The following NF1 variants were observed in gnomAD, a reference collection of about 807,000 sequenced individuals.
NF1 encodes neurofibromin.
Under a neutral mutation model 325.7 loss-of-function variants are expected in NF1, and 122 were observed. That is an observed-to-expected ratio of 0.37 (90% CI 0.32 to 0.44). The LOEUF (loss-of-function observed/expected upper bound fraction) is 0.44. NF1 is among the 20% of genes least tolerant of loss of function. NF1 has a pLI of 1.00. For synonymous variants in NF1, 1,091 were observed against 1,186.0 expected (o/e 0.92, Z 1.65); for missense variants, 2,140 against 3,415.4 (o/e 0.63, Z 9.31).
intron 8 of NF1, chr17:31,183,369 C>T (rs2066173556): frequency 6.6e-6 from 1 of 152,198 alleles, no homozygotes; most frequent in Non-Finnish European, 1.5e-5. Context: ...CATGGTTTGC[C>T]TGTAGATGGA....
chr17:31,358,182 T>G lies in NF1; in HGVS notation c.7971-298T>G, dbSNP rs1597867697. The G allele has an allele frequency of 6.8e-6, 3 of 439,558 alleles. No homozygotes were observed. In the East Asian group the frequency reaches 1.4e-4, roughly 21 times the overall value. The allele number at this position is 439,558 out of a possible 1,614,324, so 27.2% of individuals were successfully genotyped here. ...TGCTAAGTAGCAGACAGAGCCAACC[T>G]TGTCTTAAGCAAACATTTACCGTAT... On this transcript the variant is annotated intron_variant, in intron 54 of 57. Transcript: ENST00000358273.
chr17:31,099,558 CTTT>C (rs34905795), intron 1 of NF1, among the ~76,000 whole-genome samples: 29 of 123,896 alleles, frequency 2.3e-4, no homozygotes, highest in Non-Finnish European at 3.4e-4. Flanking sequence ...AGGTGTGTAG[CTTT>C]TTTTTTTTTT....
intron 1 of NF1, among the ~76,000 whole-genome samples, chr17:31,130,672 C>CA (rs1456902196): frequency 1.3e-5 from 2 of 152,138 alleles, no homozygotes; most frequent in African/African-American, 2.4e-5. Flanking sequence ...GGCTCTGTAC[C>CA]TGCCAGTGCT....
chr17:31,376,528 T>C lies in NF1; in HGVS notation c.*2373T>C, dbSNP rs1207870373. On this transcript the variant is annotated 3_prime_UTR_variant, in exon 58 of 58. Coordinates refer to ENST00000358273, the MANE Select transcript of NF1 (RefSeq NM_001042492.3). Reference sequence around the variant, plus strand: ...CCTTGTTTAAAGAACTTCTGACTTTTGAGGAAAATCTAGCTTTCCAAGTAA... The same window carrying C: ...CCTTGTTTAAAGAACTTCTGACTTTCGAGGAAAATCTAGCTTTCCAAGTAA... The C allele has an allele frequency of 4.3e-6, 1 of 232,702 alleles. No homozygotes were observed. The highest frequency in any genetic ancestry group is 8.5e-6 in the Non-Finnish European group (1 of 117,766). The allele number at this position is 232,702 out of a possible 1,614,324, so 14.4% of individuals were successfully genotyped here. A position where few individuals can be genotyped will look rare whatever the true frequency, so the allele number is the denominator to read the frequency against.
In NF1 at chr17:31,277,868, G is replaced by A. The variant is rs78453206; in HGVS notation, c.4835+12529G>A. On this transcript the variant is annotated intron_variant, in intron 36 of 57. Transcript: ENST00000358273. ...TCTCTTAAGAGTTTCCTTAAAACCT[G>A]CCTTCTCCTTTATACATAATCTCTA... Among the ~76,000 whole-genome samples, 1,067 of 152,254 alleles carry A rather than the reference G, an allele frequency of 7.0e-3. 11 individuals carry two copies. Among genetic ancestry groups the A allele is most frequent in the Middle Eastern group, 0.024 (7 of 294 alleles).
At chr17:31,334,535 A>G (rs559685634) in intron 39 of NF1, 3 of 352,030 alleles carry the variant, frequency 8.5e-6, no homozygotes, top group East Asian at 6.3e-5. Context: ...CAAACTTTCT[A>G]TGATTACCAC....
chr17:31,154,732 C>CTTTTTTTTTTTTTTTT (rs71142026), intron 1 of NF1, among the ~76,000 whole-genome samples: 1 of 103,404 alleles, frequency 9.7e-6, no homozygotes, highest in Non-Finnish European at 1.9e-5. Context: ...TTAGTATTTC[C>CTTTTTTTTTTTTTTTT]TTTTTTTTTT....
At chr17:31,340,043 G>A (rs2069776137) in intron 46 of NF1, among the ~76,000 whole-genome samples, 2 of 152,180 alleles carry the variant, frequency 1.3e-5, no homozygotes, top group South Asian at 2.1e-4. Flanking sequence ...GTTTGGAAAT[G>A]TACAGTTTTT....
At chr17:31,283,067 T>G (rs1224953279) in intron 36 of NF1, among the ~76,000 whole-genome samples, 4 of 152,202 alleles carry the variant, frequency 2.6e-5, no homozygotes, top group African/African-American at 7.2e-5. Flanking sequence ...GGGTCTTAGA[T>G]GTCTTTATCT....
intron 36 of NF1, chr17:31,307,854 G>T (rs772804360): frequency 1.6e-6 from 2 of 1,276,426 alleles, no homozygotes; most frequent in African/African-American, 3.0e-5. Flanking sequence ...TTGATGTTCT[G>T]TTGGAAGGTG....
intron 1 of NF1, among the ~76,000 whole-genome samples, chr17:31,142,290 A>G (rs901429298): frequency 3.3e-5 from 5 of 152,226 alleles, no homozygotes; most frequent in African/African-American, 1.2e-4. Context: ...GATTTCTATA[A>G]TATAGCAAGA....
At chr17:31,352,895 T>C (rs111521900) in intron 51 of NF1, among the ~76,000 whole-genome samples, 12 of 152,162 alleles carry the variant, frequency 7.9e-5, no homozygotes, top group African/African-American at 2.6e-4. Context: ...CGAAAGAAAA[T>C]AGGATTCTTT....
Position 31,374,018 on chromosome 17 carries a change from G to A in NF1, c.8383G>A (p.Asp2795Asn), listed in dbSNP as rs1475978079. 4 of 1,613,980 alleles carry A rather than the reference G, an allele frequency of 2.5e-6. No homozygotes were observed. Among genetic ancestry groups the A allele is most frequent in the East Asian group, 2.2e-5 (1 of 44,880 alleles). ...GCTGTTCTCTTTTTCTCCAGGAATC[G>A]ACAAGGAGAACGTTGAACTCTCCCC... ...LATSQHSPGI[D>N]KENVELSPTT... Residue 2795 changes from aspartate to asparagine, a missense_variant, in exon 58 of 58, where the codon GAC becomes AAC. Transcript: ENST00000358273.
intron 36 of NF1, chr17:31,295,358 G>A: frequency 6.2e-7 from 1 of 1,614,148 alleles, no homozygotes; most frequent in Non-Finnish European, 8.5e-7. Flanking sequence ...ATCAGTGCTA[G>A]TAAAGGTGGT....
At position 31,336,907 on chromosome 17, in the gene NF1, T is replaced by C. The variant is rs762803346; in HGVS notation, c.6420T>C (p.His2140=). The change falls in exon 42 of 58, where the codon CAT becomes CAC. Residue 2140 remains histidine, a synonymous_variant. Transcript: ENST00000358273. This position sits in a 1 kb window ranked among gnomAD's most constrained non-coding sequence, Gnocchi z 5.5. ...CTCTGTGTACTTGTTCACAGCTTCATTTTAGTGGTAAGTTCTAGGAAAGGA... is the reference window on the plus strand; with the variant it reads ...CTCTGTGTACTTGTTCACAGCTTCACTTTAGTGGTAAGTTCTAGGAAAGGA... ...IHSLCTCSQL[H]FSEETKQVLR... The C allele has an allele frequency of 3.1e-6, 5 of 1,609,934 alleles. No individual in the cohort carries two copies. In the South Asian group the frequency reaches 3.3e-5, roughly 11 times the overall value.
At chr17:31,362,330 A>G (rs896650162) in intron 57 of NF1, 16 of 985,424 alleles carry the variant, frequency 1.6e-5, no homozygotes, top group Non-Finnish European at 1.9e-5. Context: ...CCGCTGATAA[A>G]CCTTTTAGCA....
chr17:31,327,449 TAA>T, intron 37 of NF1, 48 bp from the exon 38 acceptor site: 2 of 1,444,236 alleles, frequency 1.4e-6, no homozygotes, highest in Non-Finnish European at 1.9e-6. Context: ...GAATTTTATG[TAA>T]AAGAGTTTAA....
At chr17:31,221,110 G>A (rs2066913636) in intron 14 of NF1, among the ~76,000 whole-genome samples, 1 of 152,098 alleles carries the variant, frequency 6.6e-6, no homozygotes, top group African/African-American at 2.4e-5. Flanking sequence ...AGGGATGGTG[G>A]GAGGAATGTG....
chr17:31,197,760 G>T (rs1366576550), intron 8 of NF1, among the ~76,000 whole-genome samples: 4 of 152,048 alleles, frequency 2.6e-5, no homozygotes, highest in Non-Finnish European at 5.9e-5. Flanking sequence ...ACATAGTTTT[G>T]CTTCTTTCTG....
Sources: allele counts gnomAD v4.1 joint callset (sites outside exome capture counted in the v4.1 genomes callset), GRCh38; gene constraint gnomAD v4.1.1; non-coding constraint Gnocchi (gnomAD v3.1); transcripts MANE v1.5; gene names NCBI Gene and HGNC (gene_info 2026-07-23, HGNC 2026-07-21).